XRCC4: variants seen among roughly 807,000 people sequenced by gnomAD.
The protein encoded by XRCC4 is X-ray repair cross complementing 4.
A neutral mutation model predicts 39.1 loss-of-function variants in XRCC4; 28 were observed. That is an observed-to-expected ratio of 0.72 (90% confidence interval 0.53 to 0.98). The LOEUF (loss-of-function observed/expected upper bound fraction) is 0.98, where lower values mean the gene tolerates loss of function less well. XRCC4 is among the 50% of genes least tolerant of loss of function. The probability of loss-of-function intolerance (pLI) is 0.00; values close to 1 mark genes in which losing one functional copy is unlikely to be tolerated. For synonymous variants in XRCC4, 123 were observed against 126.4 expected (o/e 0.97, Z 0.18); for missense variants, 350 against 376.4 (o/e 0.93, Z 0.58).
Position 83,284,475 on chromosome 5 carries a change from T to A in XRCC4, c.893+25798T>A, listed in dbSNP as rs150446215. Among the ~76,000 whole-genome samples the A allele has an allele frequency of 8.1e-3, 1,236 of 152,248 alleles. 9 individuals carry two copies. Among genetic ancestry groups the A allele is most frequent in the African/African-American group, 0.024 (1,004 of 41,570 alleles). On this transcript the variant is annotated intron_variant, in intron 7 of 7. Coordinates refer to ENST00000396027, the MANE Select transcript of XRCC4 (RefSeq NM_003401.5). ...AGTTGTTTGTACCAAAATAATTCCT[T>A]TGAACATCACATGTAGGAAATTTGG...
rs565929113 is a variant in XRCC4 at position 83,225,410 on chromosome 5, C to A, written c.745+20489C>A. Among the ~76,000 whole-genome samples, 3 of 151,988 alleles carry A rather than the reference C, an allele frequency of 2.0e-5. No individual in the cohort carries two copies. The East Asian group carries it at 5.8e-4, about 29-fold the overall frequency. The stretch of plus-strand genomic sequence containing the variant: ...GAAAATGCCCATTCTCATGTTCATG[C>A]TGTACCTTTTGATCCAAAAGGGATA... On this transcript the variant is annotated intron_variant, in intron 6 of 7. Transcript: ENST00000396027.
intron 7 of XRCC4, among the ~76,000 whole-genome samples, chr5:83,335,407 G>T (rs1378342425): frequency 6.6e-6 from 1 of 151,700 alleles, no homozygotes; most frequent in African/African-American, 2.4e-5. Context: ...ACATTTAATA[G>T]TATTTTATGT....
chr5:83,339,939 C>G (rs1232425001), intron 7 of XRCC4, among the ~76,000 whole-genome samples: 1 of 152,136 alleles, frequency 6.6e-6, no homozygotes, highest in African/African-American at 2.4e-5. Context: ...CACTTTAAAT[C>G]CCATGTGTCT....
intron 6 of XRCC4, among the ~76,000 whole-genome samples, chr5:83,218,688 ACTTAT>A (rs949392748): frequency 2.6e-5 from 4 of 152,148 alleles, no homozygotes; most frequent in Admixed American, 6.5e-5. Context: ...CTGAGAATTT[ACTTAT>A]CTTAGCACAA....
At chr5:83,137,998 A>G (rs1561355416) in intron 3 of XRCC4, among the ~76,000 whole-genome samples, 2 of 152,162 alleles carry the variant, frequency 1.3e-5, no homozygotes, top group Admixed American at 1.3e-4. Flanking sequence ...ATTATTTCTA[A>G]TCATATATTT....
chr5:83,196,677 T>C (rs1437996060), intron 4 of XRCC4, among the ~76,000 whole-genome samples: 1 of 151,468 alleles, frequency 6.6e-6, no homozygotes, highest in Non-Finnish European at 1.5e-5. Context: ...TGCACACACA[T>C]ATATATACAG....
intron 7 of XRCC4, among the ~76,000 whole-genome samples, chr5:83,327,596 C>G (rs1756305989): frequency 6.6e-6 from 1 of 151,824 alleles, no homozygotes; most frequent in Non-Finnish European, 1.5e-5. Context: ...ATAAAATTTT[C>G]AAATTGTATA....
At position 83,241,733 on chromosome 5, in the gene XRCC4, C is replaced by T. The variant is rs183276481; in HGVS notation, c.746-16797C>T. On this transcript the variant is annotated intron_variant, in intron 6 of 7. Transcript: ENST00000396027. ...AGCCTACTGTTGACCACAGCCTCAC[C>T]GATAACATAAACAGTCATTTAACAC... is the stretch of plus-strand genomic sequence containing the variant. 2.5e-3 allele frequency among the ~76,000 whole-genome samples: 385 copies of T among 152,122 alleles called. 2 individuals carry two copies. The highest frequency in any genetic ancestry group is 8.9e-3 in the African/African-American group (370 of 41,506).
intron 7 of XRCC4, among the ~76,000 whole-genome samples, chr5:83,292,150 T>C (rs1754943496): frequency 2.0e-5 from 3 of 151,720 alleles, no homozygotes. Flanking sequence ...ATAGTGAAAA[T>C]TGCCTGGCAA....
At chr5:83,313,963 T>C (rs899867077) in intron 7 of XRCC4, among the ~76,000 whole-genome samples, 6 of 152,162 alleles carry the variant, frequency 3.9e-5, no homozygotes, top group African/African-American at 1.4e-4. Context: ...CATAGCTTTC[T>C]GAGTAAAGAA....
At chr5:83,370,669 A>G in the XRCC4 span, among the ~76,000 whole-genome samples, 1 of 152,126 alleles carries the variant, frequency 6.6e-6, no homozygotes, top group East Asian at 1.9e-4. Flanking sequence ...CTGGTCACCA[A>G]AGTTGGAAAC....
At chr5:83,268,994 C>T (rs1485705549) in intron 7 of XRCC4, among the ~76,000 whole-genome samples, 1 of 152,122 alleles carries the variant, frequency 6.6e-6, no homozygotes, top group Non-Finnish European at 1.5e-5. Flanking sequence ...CCATATAAAA[C>T]AGGAACTGTT....
chr5:83,161,839 C>T (rs1749226922), intron 3 of XRCC4, among the ~76,000 whole-genome samples: 1 of 152,150 alleles, frequency 6.6e-6, no homozygotes, highest in Non-Finnish European at 1.5e-5. Context: ...CTGATAGCAG[C>T]AAGTTTTTGG....
intron 7 of XRCC4, among the ~76,000 whole-genome samples, chr5:83,313,537 A>G (rs1341370270): frequency 6.6e-6 from 1 of 152,106 alleles, no homozygotes; most frequent in African/African-American, 2.4e-5. Context: ...TGATTTACTC[A>G]ATATATTAGG....
chr5:83,255,955 G>A (rs975820167), intron 6 of XRCC4, among the ~76,000 whole-genome samples: 1 of 152,118 alleles, frequency 6.6e-6, no homozygotes, highest in Non-Finnish European at 1.5e-5. Flanking sequence ...AAAATGATGG[G>A]CAGTATTTCT....
chr5:83,173,888 T>C (rs1163081022), intron 3 of XRCC4, among the ~76,000 whole-genome samples: 1 of 152,234 alleles, frequency 6.6e-6, no homozygotes, highest in Non-Finnish European at 1.5e-5. Flanking sequence ...AACAAGTCTC[T>C]TAAGAAGCAG....
intron 6 of XRCC4, among the ~76,000 whole-genome samples, chr5:83,230,348 A>G (rs1424870239): frequency 1.3e-5 from 2 of 152,002 alleles, no homozygotes; most frequent in East Asian, 1.9e-4. Flanking sequence ...CAGGCGTTCT[A>G]TCTCTGATAT....
At chr5:83,226,353 C>T (rs1283858574) in intron 6 of XRCC4, among the ~76,000 whole-genome samples, 1 of 152,022 alleles carries the variant, frequency 6.6e-6, no homozygotes, top group Non-Finnish European at 1.5e-5. Flanking sequence ...GTTTCATAAA[C>T]CCCTCTGGGG....
At chr5:83,168,081 G>A (rs1454954737) in intron 3 of XRCC4, among the ~76,000 whole-genome samples, 1 of 152,084 alleles carries the variant, frequency 6.6e-6, no homozygotes, top group Non-Finnish European at 1.5e-5. Context: ...AATCAATTAT[G>A]CCAACATAAA....
Sources: allele counts gnomAD v4.1 joint callset (sites outside exome capture counted in the v4.1 genomes callset), GRCh38; gene constraint gnomAD v4.1.1; transcripts MANE v1.5; gene names NCBI Gene and HGNC (gene_info 2026-07-23, HGNC 2026-07-21).